The following EDEM3 variants were observed in gnomAD, a reference collection of about 807,000 sequenced individuals.
EDEM3 encodes ER degradation-enhancing alpha-mannosidase-like protein 3.
A neutral mutation model predicts 110.2 loss-of-function variants in EDEM3; 60 were observed. The ratio of observed to expected loss-of-function variants is 0.54; its 90% confidence interval spans 0.44 to 0.67. The LOEUF (loss-of-function observed/expected upper bound fraction) is 0.67, where lower values mean the gene tolerates loss of function less well. Ranked by LOEUF, EDEM3 falls within the 30% of genes least tolerant of loss-of-function variation. EDEM3 has a pLI of 0.00. For synonymous variants in EDEM3, 352 were observed against 382.9 expected, an observed-to-expected ratio of 0.92 and a Z score of 0.94; for missense variants, 996 against 1,121.0, an observed-to-expected ratio of 0.89 and a Z score of 1.59.
At position 184,721,336 on chromosome 1, in the gene EDEM3, C is replaced by T. The variant is rs910677262; in HGVS notation, c.904G>A (p.Ala302Thr). ...IDSYYEYLLK[A>T]YVLLGDDSFL... The stretch of plus-strand genomic sequence containing the variant: ...CTGTCATCTCCAAGCAAGACATAGG[C>T]TTTCAACAGATATTCATAATATGAA... Residue 302 changes from alanine to threonine, a missense_variant, in exon 9 of 20, where the codon GCC (alanine) becomes ACC (threonine). Physicochemically the swap from Ala to Thr is moderately conservative, Grantham distance 58. Coordinates refer to ENST00000318130, the MANE Select transcript of EDEM3 (RefSeq NM_025191.4). 6.2e-7 allele frequency: 1 copy of T among 1,606,208 alleles called. No individual in the cohort carries two copies. Among genetic ancestry groups the T allele is most frequent in the African/African-American group, 1.3e-5 (1 of 74,324 alleles).
intron 6 of EDEM3, among the ~76,000 whole-genome samples, chr1:184,728,941 T>TGCATTTCAGCATCCAAGAG (rs1651344683): frequency 6.6e-6 from 1 of 152,140 alleles, no homozygotes; most frequent in South Asian, 2.1e-4. Flanking sequence ...AGAACCAAGA[T>TGCATTTCAGCATCCAAGAG]GCATTTCAGC....
chr1:184,714,238 C>T (rs1400854689), intron 13 of EDEM3, among the ~76,000 whole-genome samples: 1 of 152,092 alleles, frequency 6.6e-6, no homozygotes, highest in African/African-American at 2.4e-5. Flanking sequence ...TTGGGCAAAG[C>T]TAGCAAGTTG....
In EDEM3 at chr1:184,690,299, T is replaced by A. The variant is rs1649006961; in HGVS notation, c.*3764A>T. 2 of 152,360 alleles carry A rather than the reference T, an allele frequency of 1.3e-5. No homozygotes were observed. The allele number at this position is 152,360 out of a possible 1,614,324, so 9.4% of individuals were successfully genotyped here. A position where few individuals can be genotyped will look rare whatever the true frequency, so the allele number is the denominator to read the frequency against. The stretch of plus-strand genomic sequence containing the variant: ...ACCTTTGTGCATGCTACTGACTTGT[T>A]GAAAAACTTTCAGTGATTTCTTAGA... On this transcript the variant is annotated 3_prime_UTR_variant, in exon 20 of 20. Coordinates refer to ENST00000318130, the MANE Select transcript of EDEM3 (RefSeq NM_025191.4).
chr1:184,708,085 A>T, intron 17 of EDEM3, 68 bp downstream of exon 17: 1 of 1,322,614 alleles, frequency 7.6e-7, no homozygotes, highest in Non-Finnish European at 1.0e-6. Context: ...TAGAGAAGAG[A>T]CTAAGAAATA....
intron 7 of EDEM3, among the ~76,000 whole-genome samples, chr1:184,724,945 G>A (rs1034295861): frequency 8.5e-5 from 13 of 152,122 alleles, no homozygotes; most frequent in South Asian, 2.1e-4. Flanking sequence ...TATTTTAAGC[G>A]CTATGGGTCA....
intron 1 of EDEM3, among the ~76,000 whole-genome samples, chr1:184,750,849 T>C (rs1652723837): frequency 1.3e-5 from 2 of 152,166 alleles, no homozygotes; most frequent in Non-Finnish European, 2.9e-5. Context: ...CAATCACTGA[T>C]GGCAAGAATT....
rs776573337 is a variant in EDEM3 at position 184,708,238 on chromosome 1, T to C, written c.1952A>G (p.Gln651Arg). Residue 651 changes from glutamine (Q) to arginine (R), a missense_variant, in exon 17 of 20, where the codon CAA becomes CGA. Around this residue, in one of 5 missense-constraint regions of EDEM3, gnomAD observed 345 missense variants for 402.0 expected, o/e 0.86. Transcript: ENST00000318130. Reference protein sequence around the residue: ...KEQQLPPRAVQIVSHPFFGRV... With the variant: ...KEQQLPPRAVRIVSHPFFGRV... ...GCCAAAAAATGGGTGGGAAACAATT[T>C]GTACAGCTCGTGGAGGCAGCTGCTG... 1 of 1,613,710 alleles carries C rather than the reference T, an allele frequency of 6.2e-7. No individual in the cohort carries two copies. The highest frequency in any genetic ancestry group is 1.1e-5 in the South Asian group (1 of 90,992).
intron 2 of EDEM3, among the ~76,000 whole-genome samples, chr1:184,743,463 G>C (rs766019155): frequency 7.2e-5 from 11 of 151,906 alleles, no homozygotes; most frequent in Non-Finnish European, 1.2e-4. Flanking sequence ...CATGTGCCTA[G>C]CTGAAAGAGC....
In EDEM3 at chr1:184,699,860, GT is replaced by G. The variant is rs200951359; in HGVS notation, c.2389+2950del. 2.9e-3 allele frequency among the ~76,000 whole-genome samples: 433 copies of G among 151,810 alleles called. 5 individuals carry two copies. In the East Asian group the frequency reaches 0.035, roughly 12 times the overall value. The stretch of plus-strand genomic sequence containing the variant: ...TGAATTGGAACTTAAAAATGCTGAT[GT>G]TTTTTTCCCTGTGACAAATACTATT... On this transcript the variant is annotated intron_variant, in intron 19 of 19. Coordinates refer to ENST00000318130, the MANE Select transcript of EDEM3 (RefSeq NM_025191.4).
chr1:184,710,674 T>C (rs1250092189), intron 15 of EDEM3, 127 bp from the exon 16 acceptor site: 27 of 1,078,056 alleles, frequency 2.5e-5, no homozygotes, highest in Non-Finnish European at 3.4e-5. Context: ...CTGGAATAAC[T>C]AGAAAGTATT....
chr1:184,715,878 G>A (rs1160506059), intron 13 of EDEM3, among the ~76,000 whole-genome samples: 2 of 152,122 alleles, frequency 1.3e-5, no homozygotes, highest in East Asian at 3.8e-4. Context: ...GTTAGGGATG[G>A]AGATTCGAAG....
intron 18 of EDEM3, 94 bp from the exon 19 acceptor site, chr1:184,703,090 T>A: frequency 9.8e-7 from 1 of 1,016,890 alleles, no homozygotes; most frequent in Non-Finnish European, 1.3e-6. Flanking sequence ...ATGACAGAAT[T>A]AATTTTATGC....
chr1:184,744,243 A>G (rs1652293506), intron 2 of EDEM3, among the ~76,000 whole-genome samples: 1 of 125,496 alleles, frequency 8.0e-6, no homozygotes, highest in Non-Finnish European at 1.7e-5. Flanking sequence ...AACAGAACAA[A>G]TGACAAATAT....
chr1:184,699,518 T>C (rs1649503537), intron 19 of EDEM3, among the ~76,000 whole-genome samples: 1 of 151,846 alleles, frequency 6.6e-6, no homozygotes, highest in South Asian at 2.1e-4. Flanking sequence ...TTCAGATGTT[T>C]CTCTCCAGGT....
chr1:184,733,736 G>A (rs965753680), intron 5 of EDEM3, among the ~76,000 whole-genome samples: 2 of 151,622 alleles, frequency 1.3e-5, no homozygotes, highest in Non-Finnish European at 2.9e-5. Context: ...GCTGAGGCAG[G>A]AGAATCACTT....
At position 184,694,271 on chromosome 1, in the gene EDEM3, G is replaced by T. The variant is rs150541662; in HGVS notation, c.2591C>A (p.Thr864Asn). The T allele has an allele frequency of 2.5e-6, 4 of 1,613,188 alleles. No individual in the cohort carries two copies. Among genetic ancestry groups the T allele is most frequent in the South Asian group, 2.2e-5 (2 of 91,056 alleles). ...NAASISPSEQTSNPTENHETT... is the reference protein window; with the variant it reads ...NAASISPSEQNSNPTENHETT... ...CTCATGGTTTTCTGTGGGATTAGAA[G>T]TCTGTTCAGAAGGGGAAATGCTTGC... The change falls in exon 20 of 20, where the codon ACT (threonine) becomes AAT (asparagine). Residue 864 changes from threonine (T) to asparagine (N), a missense_variant. This residue lies in a region of EDEM3 where 345 missense variants were observed against 402.0 expected (regional missense o/e 0.86). Coordinates refer to ENST00000318130, the MANE Select transcript of EDEM3 (RefSeq NM_025191.4).
At chr1:184,753,846 T>C (rs148532141) in intron 1 of EDEM3, among the ~76,000 whole-genome samples, 4 of 152,328 alleles carry the variant, frequency 2.6e-5, no homozygotes, top group African/African-American at 9.6e-5. Flanking sequence ...CGTGTATGTA[T>C]TACTCTGAAT....
chr1:184,697,276 T>C (rs965433984), intron 19 of EDEM3, among the ~76,000 whole-genome samples: 3 of 151,892 alleles, frequency 2.0e-5, no homozygotes, highest in Admixed American at 2.0e-4. Context: ...AGTCTTAATA[T>C]TTAACATTTT....
chr1:184,737,859 T>G, intron 2 of EDEM3, 148 bp from the exon 3 acceptor site: 1 of 663,718 alleles, frequency 1.5e-6, no homozygotes, highest in East Asian at 2.9e-5. Context: ...CAAAAATCTT[T>G]AATTACAAAT....
Sources: allele counts gnomAD v4.1 joint callset (sites outside exome capture counted in the v4.1 genomes callset), GRCh38; gene constraint gnomAD v4.1.1; regional missense constraint gnomAD v4.1.1; transcripts MANE v1.5; gene names NCBI Gene and HGNC (gene_info 2026-07-23, HGNC 2026-07-21).